FAM117B: variants seen among roughly 807,000 people sequenced by gnomAD.
The protein encoded by FAM117B is family with sequence similarity 117 member B.
FAM117B carries 22 observed loss-of-function variants against 52.8 expected under a neutral mutation model. The observed-to-expected ratio is 0.42, with a 90% confidence interval of 0.30 to 0.59. The LOEUF (loss-of-function observed/expected upper bound fraction) is 0.59, where lower values mean the gene tolerates loss of function less well. Among genes scored for constraint, FAM117B ranks in the 20% least tolerant of loss-of-function variants. FAM117B has a pLI of 0.22. For missense variants in FAM117B, 678 were observed against 802.6 expected (o/e 0.84, Z 1.88); for synonymous variants, 309 against 324.1 (o/e 0.95, Z 0.50).
intron 6 of FAM117B, 148 bp downstream of exon 6, chr2:202,757,586 C>A: frequency 1.2e-6 from 1 of 856,262 alleles, no homozygotes; most frequent in Non-Finnish European, 1.8e-6. Flanking sequence ...GGAGTGTAAA[C>A]AGGTTTGACT....
intron 2 of FAM117B, among the ~76,000 whole-genome samples, chr2:202,723,754 A>T (rs1691187804): frequency 6.6e-6 from 1 of 152,184 alleles, no homozygotes; most frequent in Admixed American, 6.6e-5. Flanking sequence ...GTACATAAAG[A>T]TGTGCATTTG....
chr2:202,736,113 G>A (rs1691434387), intron 4 of FAM117B, among the ~76,000 whole-genome samples: 1 of 152,144 alleles, frequency 6.6e-6, no homozygotes, highest in South Asian at 2.1e-4. Flanking sequence ...TTTCTCTGAG[G>A]AATGGAAGGT....
chr2:202,655,707 T>TGAGAGAGAGAGA (rs60423652), intron 1 of FAM117B, among the ~76,000 whole-genome samples: 11 of 98,888 alleles, frequency 1.1e-4, no homozygotes, highest in Admixed American at 3.4e-4. Context: ...GGGAAGAGAG[T>TGAGAGAGAGAGA]GAGAGAGAGA....
chr2:202,731,141 A>C (rs997738284), intron 4 of FAM117B, among the ~76,000 whole-genome samples: 1 of 151,868 alleles, frequency 6.6e-6, no homozygotes, highest in Admixed American at 6.6e-5. Flanking sequence ...AAATGGGCAC[A>C]GGATCTGAAC....
At chr2:202,700,348 T>C (rs1345685948) in intron 2 of FAM117B, among the ~76,000 whole-genome samples, 1 of 152,234 alleles carries the variant, frequency 6.6e-6, no homozygotes, top group Admixed American at 6.5e-5. Context: ...ATGAGCATTA[T>C]GAATGATAAG....
Position 202,754,712 on chromosome 2 carries a change from C to A in FAM117B, c.961-826C>A, listed in dbSNP as rs1691774862. Among the ~76,000 whole-genome samples, 3 of 151,484 alleles carry A rather than the reference C, an allele frequency of 2.0e-5. No individual in the cohort carries two copies. In the South Asian group the frequency reaches 6.3e-4, roughly 32 times the overall value. On this transcript the variant is annotated intron_variant, in intron 4 of 7. Transcript: ENST00000392238. ...GACCAGCCTGGCCAATATGGTGAAA[C>A]CCCGTCTCTACTAAAAATACCAAAA...
chr2:202,649,303 T>C (rs191810326), intron 1 of FAM117B, among the ~76,000 whole-genome samples: 442 of 152,312 alleles, frequency 2.9e-3, no homozygotes, highest in Non-Finnish European at 4.2e-3. Context: ...CTCTCTTTTC[T>C]GTCTTCCCTA....
intron 1 of FAM117B, among the ~76,000 whole-genome samples, chr2:202,666,102 T>TGTC (rs1690201346): frequency 1.3e-5 from 2 of 152,214 alleles, no homozygotes; most frequent in South Asian, 4.1e-4. Context: ...TTCTGCAATT[T>TGTC]GTGTCTGCAT....
intron 2 of FAM117B, among the ~76,000 whole-genome samples, chr2:202,720,681 CA>C (rs556110852): frequency 1.8e-3 from 271 of 151,950 alleles, no homozygotes; most frequent in Admixed American, 4.3e-3. Context: ...CACATTCATA[CA>C]TTGCACTTGG....
At chr2:202,669,922 CAT>C (rs751464887) in intron 1 of FAM117B, among the ~76,000 whole-genome samples, 14 of 152,132 alleles carry the variant, frequency 9.2e-5, no homozygotes, top group Non-Finnish European at 1.9e-4. Flanking sequence ...TAACCACAAA[CAT>C]AGATAGATGT....
At chr2:202,644,373 A>G (rs749565599) in intron 1 of FAM117B, among the ~76,000 whole-genome samples, 2 of 152,162 alleles carry the variant, frequency 1.3e-5, no homozygotes, top group African/African-American at 4.8e-5. Flanking sequence ...GAAAGTTTTG[A>G]TAATGGAAAC....
intron 4 of FAM117B, among the ~76,000 whole-genome samples, chr2:202,727,658 T>C (rs1691267182): frequency 6.6e-6 from 1 of 152,208 alleles, no homozygotes; most frequent in African/African-American, 2.4e-5. Context: ...CATAATGCAC[T>C]TACCATGCCA....
intron 2 of FAM117B, among the ~76,000 whole-genome samples, chr2:202,708,216 T>C (rs1690904175): frequency 6.6e-6 from 1 of 152,194 alleles, no homozygotes. Context: ...TTTCCATTGG[T>C]TGGTAACTCT....
chr2:202,642,418 C>G (rs1399175458), intron 1 of FAM117B, among the ~76,000 whole-genome samples: 2 of 150,186 alleles, frequency 1.3e-5, no homozygotes, highest in Non-Finnish European at 3.0e-5. Flanking sequence ...GCATTGATCA[C>G]CTGAATTTTG....
intron 2 of FAM117B, among the ~76,000 whole-genome samples, chr2:202,705,293 T>TGAA (rs1690855583): frequency 6.6e-6 from 1 of 150,422 alleles, no homozygotes; most frequent in Admixed American, 6.6e-5. Context: ...GCAACAAGAG[T>TGAA]GAAACTTCAT....
chr2:202,686,760 T>C (rs1690542686), intron 1 of FAM117B, among the ~76,000 whole-genome samples: 1 of 151,710 alleles, frequency 6.6e-6, no homozygotes, highest in African/African-American at 2.4e-5. Context: ...TGAGCTGAGA[T>C]TGCCATCACT....
At chr2:202,751,771 C>CAAAAA (rs397868272) in intron 4 of FAM117B, among the ~76,000 whole-genome samples, 7 of 76,176 alleles carry the variant, frequency 9.2e-5, no homozygotes, top group Non-Finnish European at 1.7e-4. Context: ...GACTCCATCT[C>CAAAAA]AAAAAAAAAA....
At chr2:202,758,444 A>G (rs551104327) in intron 6 of FAM117B, among the ~76,000 whole-genome samples, 14 of 152,256 alleles carry the variant, frequency 9.2e-5, no homozygotes, top group Non-Finnish European at 1.9e-4. Context: ...AAACTCAATA[A>G]ATGTTGTGTC....
chr2:202,721,929 G>A (rs1339515683), intron 2 of FAM117B, among the ~76,000 whole-genome samples: 1 of 151,818 alleles, frequency 6.6e-6, no homozygotes, highest in Non-Finnish European at 1.5e-5. Context: ...AGCATGAGCC[G>A]CTGTGCCTGG....
Sources: allele counts gnomAD v4.1 joint callset (sites outside exome capture counted in the v4.1 genomes callset), GRCh38; gene constraint gnomAD v4.1.1; transcripts MANE v1.5; gene names NCBI Gene and HGNC (gene_info 2026-07-23, HGNC 2026-07-21).